The following SNTG1 variants were observed in gnomAD, a reference collection of about 807,000 sequenced individuals.
SNTG1 encodes the protein syntrophin gamma 1.
A neutral mutation model predicts 74.7 loss-of-function variants in SNTG1; 39 were observed. That is an observed-to-expected ratio of 0.52 (90% CI 0.40 to 0.68). The LOEUF is 0.68. Ranked by LOEUF, SNTG1 falls within the 30% of genes least tolerant of loss-of-function variation. SNTG1 has a pLI of 0.00. For synonymous variants in SNTG1, 254 were observed against 217.1 expected (o/e 1.17, Z -1.49); for missense variants, 685 against 609.5 (o/e 1.12, Z -1.30).
intron 2 of SNTG1, among the ~76,000 whole-genome samples, chr8:50,277,902 G>A (rs1030468786): frequency 2.5e-4 from 38 of 152,222 alleles, no homozygotes; most frequent in East Asian, 1.2e-3. Flanking sequence ...GGAAGAGCAC[G>A]CTGGCTCACA....
At chr8:50,392,955 C>T (rs907448852) in intron 2 of SNTG1, among the ~76,000 whole-genome samples, 1 of 152,064 alleles carries the variant, frequency 6.6e-6, no homozygotes, top group East Asian at 1.9e-4. Flanking sequence ...CCAGACATCT[C>T]TTGTTTTTAT....
intron 15 of SNTG1, among the ~76,000 whole-genome samples, chr8:50,659,494 T>C (rs1432285126): frequency 6.6e-6 from 1 of 152,120 alleles, no homozygotes; most frequent in African/African-American, 2.4e-5. Context: ...GCTGAAACAT[T>C]TAAAATATAA....
intron 1 of SNTG1, among the ~76,000 whole-genome samples, chr8:50,086,552 G>T (rs1364134836): frequency 1.3e-5 from 2 of 152,082 alleles, no homozygotes; most frequent in Non-Finnish European, 2.9e-5. Flanking sequence ...ATGAATGTCT[G>T]TATCATTTAT....
chr8:50,149,261 G>GT (rs1586483615), intron 1 of SNTG1, among the ~76,000 whole-genome samples: 2 of 152,068 alleles, frequency 1.3e-5, no homozygotes, highest in Admixed American at 1.3e-4. Flanking sequence ...TCGTAAATTT[G>GT]TTTGAGTTCT....
chr8:50,120,573 C>T (rs2080964128), intron 1 of SNTG1, among the ~76,000 whole-genome samples: 1 of 46,488 alleles, frequency 2.2e-5, no homozygotes, highest in East Asian at 7.1e-3. Flanking sequence ...ACTACTAGTA[C>T]CACTACTACC....
At chr8:50,167,309 TA>T (rs1002927472) in intron 1 of SNTG1, among the ~76,000 whole-genome samples, 61 of 140,002 alleles carry the variant, frequency 4.4e-4, no homozygotes, top group East Asian at 1.4e-3. Flanking sequence ...AGATTAAAAA[TA>T]AAAAAAATAA....
intron 1 of SNTG1, among the ~76,000 whole-genome samples, chr8:50,092,738 G>T (rs988213551): frequency 2.1e-4 from 32 of 152,032 alleles, no homozygotes; most frequent in African/African-American, 7.2e-4. Flanking sequence ...CTTAGCATTT[G>T]CTTCTCAGGA....
At chr8:50,727,443 A>G (rs1290070777) in intron 17 of SNTG1, among the ~76,000 whole-genome samples, 4 of 152,256 alleles carry the variant, frequency 2.6e-5, no homozygotes, top group African/African-American at 9.6e-5. Flanking sequence ...AGCCCTCCCA[A>G]CAGATGTGAG....
intron 1 of SNTG1, among the ~76,000 whole-genome samples, chr8:50,105,992 T>C (rs2080355167): frequency 6.6e-6 from 1 of 152,176 alleles, no homozygotes. Flanking sequence ...ATAGTTTGAC[T>C]TACTCTCTTC....
chr8:50,795,801 C>G lies in SNTG1; in HGVS notation c.*2972C>G, dbSNP rs548286448. 13 of 151,960 alleles carry G rather than the reference C, an allele frequency of 8.6e-5. No homozygotes were observed. Among genetic ancestry groups the G allele is most frequent in the Non-Finnish European group, 1.6e-4 (11 of 67,908 alleles). The allele number at this position is 151,960 out of a possible 1,614,324, so 9.4% of individuals were successfully genotyped here. A position where few individuals can be genotyped will look rare whatever the true frequency, so the allele number is the denominator to read the frequency against. ...GCATTTATAATTTGTTAAAATGCAA[C>G]AAGTATTTATTTAAAAAATAGTTTA... On this transcript the variant is annotated 3_prime_UTR_variant, in exon 19 of 19. Transcript: ENST00000642720.
At chr8:50,602,592 T>C (rs1020137589) in intron 13 of SNTG1, among the ~76,000 whole-genome samples, 10 of 152,220 alleles carry the variant, frequency 6.6e-5, no homozygotes, top group African/African-American at 1.9e-4. Context: ...TTACTATTAC[T>C]AGTGAGTTTT....
At chr8:50,126,669 C>T (rs2081151074) in intron 1 of SNTG1, among the ~76,000 whole-genome samples, 1 of 151,292 alleles carries the variant, frequency 6.6e-6, no homozygotes, top group Admixed American at 6.6e-5. Context: ...AACACAGATC[C>T]CAATGTTGGT....
intron 1 of SNTG1, among the ~76,000 whole-genome samples, chr8:49,968,290 T>G (rs929961990): frequency 1.1e-4 from 17 of 152,164 alleles, no homozygotes; most frequent in African/African-American, 4.1e-4. Flanking sequence ...ATATATTTGC[T>G]TATGAAATTT....
chr8:50,052,799 T>C (rs1819688428), intron 1 of SNTG1, among the ~76,000 whole-genome samples: 1 of 152,136 alleles, frequency 6.6e-6, no homozygotes. Context: ...ATGCACCATA[T>C]GCAAATGAAA....
chr8:50,655,527 CTT>C (rs1446923502), intron 13 of SNTG1, among the ~76,000 whole-genome samples: 5 of 152,158 alleles, frequency 3.3e-5, no homozygotes, highest in African/African-American at 9.7e-5. Context: ...CCAATTCTAA[CTT>C]ATATCAAGTT....
chr8:50,423,462 C>T (rs1181613016), intron 4 of SNTG1, among the ~76,000 whole-genome samples: 1 of 152,168 alleles, frequency 6.6e-6, no homozygotes, highest in Non-Finnish European at 1.5e-5. Flanking sequence ...CATTTATTCA[C>T]TTATGTTTTT....
At position 50,374,018 on chromosome 8, in the gene SNTG1, A is replaced by G. The variant is rs180748874; in HGVS notation, c.-27-20194A>G. On this transcript the variant is annotated intron_variant, in intron 2 of 18. Transcript: ENST00000642720. ...AATTTTTTTTTATGGATTTAAATTT[A>G]TCTTCCCCAAAATTCATATGTTGAA... 3.9e-4 allele frequency among the ~76,000 whole-genome samples: 60 copies of G among 152,300 alleles called. 1 individual carries two copies. The highest frequency in any genetic ancestry group is 1.4e-3 in the African/African-American group (60 of 41,568).
intron 13 of SNTG1, among the ~76,000 whole-genome samples, chr8:50,596,019 G>A (rs2094724963): frequency 6.6e-6 from 1 of 151,920 alleles, no homozygotes; most frequent in South Asian, 2.1e-4. Context: ...TATTATGGTT[G>A]TGTATTTTGA....
intron 1 of SNTG1, among the ~76,000 whole-genome samples, chr8:49,971,562 A>G (rs1170687636): frequency 6.6e-6 from 1 of 152,164 alleles, no homozygotes; most frequent in Non-Finnish European, 1.5e-5. Flanking sequence ...TTAGGAAAAG[A>G]GGAAGTCAAA....
Sources: allele counts gnomAD v4.1 joint callset (sites outside exome capture counted in the v4.1 genomes callset), GRCh38; gene constraint gnomAD v4.1.1; transcripts MANE v1.5; gene names NCBI Gene and HGNC (gene_info 2026-07-23, HGNC 2026-07-21).